GRIK2: variants seen among roughly 807,000 people sequenced by gnomAD.
GRIK2 encodes the protein glutamate ionotropic receptor kainate type subunit 2.
In GRIK2, 32 loss-of-function variants were observed where a neutral mutation model predicts 100.3. The observed-to-expected ratio is 0.32, with a 90% CI of 0.24 to 0.43. The LOEUF (loss-of-function observed/expected upper bound fraction) is 0.43, where lower values mean the gene tolerates loss of function less well. Ranked by LOEUF, GRIK2 falls within the 20% of genes least tolerant of loss-of-function variation. The pLI, the probability that GRIK2 is intolerant of heterozygous loss-of-function variation, is 1.00. For synonymous variants in GRIK2, 417 were observed against 389.4 expected (o/e 1.07, Z -0.83); for missense variants, 843 against 1,114.9 (o/e 0.76, Z 3.47).
intron 12 of GRIK2, among the ~76,000 whole-genome samples, chr6:101,909,564 C>T (rs1480000383): frequency 6.6e-6 from 1 of 150,478 alleles, no homozygotes; most frequent in Non-Finnish European, 1.5e-5. Flanking sequence ...ACTTCTTGGC[C>T]TTCTTTCGTG....
chr6:101,952,621 G>A (rs1277825813), intron 14 of GRIK2, among the ~76,000 whole-genome samples: 1 of 106,734 alleles, frequency 9.4e-6, no homozygotes, highest in Admixed American at 9.6e-5. Context: ...TTTTTTTTTT[G>A]AGGCGGAGTC....
chr6:101,728,810 A>T (rs974061291), intron 7 of GRIK2, among the ~76,000 whole-genome samples: 1 of 152,076 alleles, frequency 6.6e-6, no homozygotes, highest in African/African-American at 2.4e-5. Context: ...GAACATGGTA[A>T]CCATAACCTG....
chr6:101,786,548 C>A (rs1410159592), intron 7 of GRIK2, among the ~76,000 whole-genome samples: 1 of 151,926 alleles, frequency 6.6e-6, no homozygotes, highest in Non-Finnish European at 1.5e-5. Context: ...CTGTTGAGAT[C>A]ACATGATTTT....
intron 2 of GRIK2, among the ~76,000 whole-genome samples, chr6:101,404,992 G>A (rs1775519598): frequency 6.6e-6 from 1 of 152,200 alleles, no homozygotes; most frequent in Admixed American, 6.5e-5. Flanking sequence ...TAAATTGGCT[G>A]ATTGAAGTCA....
intron 4 of GRIK2, among the ~76,000 whole-genome samples, chr6:101,633,848 C>A (rs972516395): frequency 6.6e-6 from 1 of 152,038 alleles, no homozygotes; most frequent in South Asian, 2.1e-4. Context: ...AACTTAGATG[C>A]AGTGAGTTGA....
intron 2 of GRIK2, among the ~76,000 whole-genome samples, chr6:101,598,837 G>C (rs1030829163): frequency 3.3e-5 from 5 of 151,300 alleles, no homozygotes; most frequent in African/African-American, 9.7e-5. Context: ...TCTTTCCTGT[G>C]GAAAGTGATC....
chr6:101,855,649 A>T (rs1205569245), intron 10 of GRIK2, among the ~76,000 whole-genome samples: 1 of 152,172 alleles, frequency 6.6e-6, no homozygotes, highest in African/African-American at 2.4e-5. Flanking sequence ...ATAAAATGAG[A>T]AAGAGAGGGA....
At chr6:101,422,053 C>T (rs1277121415) in intron 2 of GRIK2, among the ~76,000 whole-genome samples, 6 of 152,112 alleles carry the variant, frequency 3.9e-5, no homozygotes. Flanking sequence ...ATTAAATTCC[C>T]AACTCTTATT....
At chr6:101,886,291 G>C (rs115119404) in intron 11 of GRIK2, among the ~76,000 whole-genome samples, 3,890 of 152,008 alleles carry the variant, frequency 0.026, 177 homozygotes, top group African/African-American at 0.088. Context: ...TTTTATAAAT[G>C]AATAATACTA....
chr6:101,767,056 G>A (rs1400928972), intron 7 of GRIK2, among the ~76,000 whole-genome samples: 44 of 152,062 alleles, frequency 2.9e-4, no homozygotes, highest in Non-Finnish European at 4.4e-5. Flanking sequence ...GAAAAGAGGG[G>A]AAATTTGTAA....
At chr6:101,825,042 G>A (rs908118243) in intron 10 of GRIK2, among the ~76,000 whole-genome samples, 1 of 152,144 alleles carries the variant, frequency 6.6e-6, no homozygotes, top group South Asian at 2.1e-4. Flanking sequence ...TTCCATTGTG[G>A]TAGAAGGACT....
At chr6:101,812,067 TA>T (rs1316131084) in intron 9 of GRIK2, among the ~76,000 whole-genome samples, 1 of 151,422 alleles carries the variant, frequency 6.6e-6, no homozygotes, top group Non-Finnish European at 1.5e-5. Flanking sequence ...TGGAAATTCA[TA>T]GTAAAGGTAT....
At chr6:101,752,584 C>T (rs1456557649) in intron 7 of GRIK2, among the ~76,000 whole-genome samples, 1 of 152,088 alleles carries the variant, frequency 6.6e-6, no homozygotes, top group East Asian at 1.9e-4. Flanking sequence ...TTTAGAACTA[C>T]AATAATTTAA....
At chr6:101,575,730 C>T (rs1294009624) in intron 2 of GRIK2, among the ~76,000 whole-genome samples, 3 of 152,008 alleles carry the variant, frequency 2.0e-5, no homozygotes, top group Non-Finnish European at 4.4e-5. Flanking sequence ...AATCTTTACA[C>T]CGTAAACCAT....
At chr6:101,716,646 T>A (rs544688144) in intron 7 of GRIK2, among the ~76,000 whole-genome samples, 28 of 150,354 alleles carry the variant, frequency 1.9e-4, no homozygotes, top group African/African-American at 6.6e-4. Flanking sequence ...AAATACCTAA[T>A]GTAAATGACC....
chr6:101,410,349 C>G (rs1775831168), intron 2 of GRIK2, among the ~76,000 whole-genome samples: 1 of 152,032 alleles, frequency 6.6e-6, no homozygotes, highest in Non-Finnish European at 1.5e-5. Flanking sequence ...TTCATAAACA[C>G]TTGGATTTGC....
At chr6:101,986,540 T>G (rs1794025877) in intron 14 of GRIK2, among the ~76,000 whole-genome samples, 1 of 151,946 alleles carries the variant, frequency 6.6e-6, no homozygotes, top group Admixed American at 6.6e-5. Flanking sequence ...GCATTTTAAA[T>G]GATACCATAA....
At chr6:101,862,957 C>G (rs1582404944) in intron 11 of GRIK2, among the ~76,000 whole-genome samples, 1 of 152,002 alleles carries the variant, frequency 6.6e-6, no homozygotes, top group Non-Finnish European at 1.5e-5. Flanking sequence ...TTTTGGTTAG[C>G]TATAAAAAGT....
chr6:101,408,733 C>T (rs1429634273), intron 2 of GRIK2, among the ~76,000 whole-genome samples: 1 of 151,988 alleles, frequency 6.6e-6, no homozygotes, highest in Non-Finnish European at 1.5e-5. Context: ...TTCTTTGCTC[C>T]ATCTACTATT....
Sources: allele counts gnomAD v4.1 joint callset (sites outside exome capture counted in the v4.1 genomes callset), GRCh38; gene constraint gnomAD v4.1.1; transcripts MANE v1.5; gene names NCBI Gene and HGNC (gene_info 2026-07-23, HGNC 2026-07-21).